Variants in KLHL1 observed in about 807,000 individuals in gnomAD.
The protein encoded by KLHL1 is kelch-like protein 1.
KLHL1 carries 47 observed loss-of-function variants against 77.7 expected under a neutral mutation model. The ratio of observed to expected loss-of-function variants is 0.60; its 90% confidence interval spans 0.48 to 0.77. The LOEUF (loss-of-function observed/expected upper bound fraction) is 0.77. Ranked by LOEUF, KLHL1 falls within the 30% of genes least tolerant of loss-of-function variation. The pLI is 0.00. For missense variants in KLHL1, 925 were observed against 910.8 expected, an observed-to-expected ratio of 1.02 and a Z score of -0.20; for synonymous variants, 360 against 325.2, an observed-to-expected ratio of 1.11 and a Z score of -1.15.
chr13:69,832,787 C>T (rs745919989), intron 6 of KLHL1, among the ~76,000 whole-genome samples: 18 of 152,060 alleles, frequency 1.2e-4, no homozygotes, highest in Non-Finnish European at 2.4e-4. Flanking sequence ...GAATAGAAAA[C>T]CCAGCAAGAG....
intron 4 of KLHL1, among the ~76,000 whole-genome samples, chr13:69,892,236 A>G (rs1483425181): frequency 7.9e-5 from 12 of 152,164 alleles, no homozygotes; most frequent in Admixed American, 3.9e-4. Context: ...TATAAAAGCC[A>G]TATGTTTTTA....
chr13:69,709,453 G>A (rs1253375997), intron 9 of KLHL1, among the ~76,000 whole-genome samples: 1 of 152,034 alleles, frequency 6.6e-6, no homozygotes, highest in Non-Finnish European at 1.5e-5. Flanking sequence ...TAATTAGGAA[G>A]AAGTAACTAA....
At chr13:69,939,946 A>C in intron 4 of KLHL1, 94 bp downstream of exon 4, 1 of 928,584 alleles carries the variant, frequency 1.1e-6, no homozygotes, top group Non-Finnish European at 1.5e-6. Flanking sequence ...ACTCATTTTA[A>C]ACTTAAAAAA....
chr13:70,088,642 C>G lies in KLHL1; in HGVS notation c.497+18561G>C, dbSNP rs76197987. ...ACGTTATAGTCAGCTACAATCACGC[C>G]ACTGCACTCCAGCCTGGGGTAACAG... On this transcript the variant is annotated intron_variant, in intron 1 of 10. Transcript: ENST00000377844. Among the ~76,000 whole-genome samples the G allele has an allele frequency of 3.3e-5, 5 of 152,018 alleles. No individual in the cohort carries two copies. The East Asian group carries it at 7.7e-4, about 24-fold the overall frequency.
rs879880884 is a variant in KLHL1 at position 70,108,056 on chromosome 13, G to A, written c.-357C>T. 2 of 424,520 alleles carry A rather than the reference G, an allele frequency of 4.7e-6. No individual in the cohort carries two copies. Among genetic ancestry groups the A allele is most frequent in the African/African-American group, 2.0e-5 (1 of 49,030 alleles). 26.3% of individuals were successfully genotyped at this position (424,520 alleles called of 1,614,324 possible). Reference sequence around the variant, plus strand: ...CTTAGGCTGGAGATGCGCGAGGGAGGGAGGTCTGAGCGCTCCGAAGCTCCG... The same window carrying A: ...CTTAGGCTGGAGATGCGCGAGGGAGAGAGGTCTGAGCGCTCCGAAGCTCCG... On this transcript the variant is annotated 5_prime_UTR_variant, in exon 1 of 11. Coordinates refer to ENST00000377844, the MANE Select transcript of KLHL1 (RefSeq NM_020866.3).
intron 2 of KLHL1, among the ~76,000 whole-genome samples, chr13:69,962,276 G>C (rs2137272123): frequency 6.6e-6 from 1 of 151,984 alleles, no homozygotes; most frequent in Non-Finnish European, 1.5e-5. Flanking sequence ...TTTTCTGTTA[G>C]AATTTATTAA....
intron 6 of KLHL1, among the ~76,000 whole-genome samples, chr13:69,825,761 T>G (rs1407976945): frequency 3.9e-5 from 6 of 152,118 alleles, no homozygotes; most frequent in Non-Finnish European, 8.8e-5. Flanking sequence ...GTAGAAATGC[T>G]GATGTAAATC....
intron 5 of KLHL1, among the ~76,000 whole-genome samples, chr13:69,870,735 C>T (rs1880548948): frequency 6.6e-6 from 1 of 151,852 alleles, no homozygotes; most frequent in Non-Finnish European, 1.5e-5. Flanking sequence ...TAAGAGGTAA[C>T]AGGCCAAATG....
intron 7 of KLHL1, among the ~76,000 whole-genome samples, chr13:69,743,824 G>GAAAAAAAAAAAAAAAAAAAAAAAAAGAA (rs10608243): frequency 7.4e-6 from 1 of 134,806 alleles, no homozygotes; most frequent in African/African-American, 2.7e-5. Context: ...CAAAAAAACA[G>GAAAAAAAAAAAAAAAAAAAAAAAAAGAA]AAAAAAAAAA....
At chr13:69,789,647 G>A (rs1022384943) in intron 7 of KLHL1, among the ~76,000 whole-genome samples, 1 of 151,984 alleles carries the variant, frequency 6.6e-6, no homozygotes, top group African/African-American at 2.4e-5. Flanking sequence ...CCTACTATCT[G>A]ATCATTCTTA....
rs1887299477 is a variant in KLHL1, at chr13:70,077,774, GATA to G, written c.497+29426_497+29428del. On this transcript the variant is annotated intron_variant, in intron 1 of 10. Transcript: ENST00000377844. ...TTAAAAATGTATTAATTTCAAAATT[GATA>G]ATGAGCTGAACATTTTAGAAACATA... Among the ~76,000 whole-genome samples the G allele has an allele frequency of 1.3e-5, 2 of 151,900 alleles. 1 individual carries two copies. The highest frequency in any genetic ancestry group is 4.2e-4 in the South Asian group (2 of 4,818).
chr13:70,105,767 G>C (rs917719330), intron 1 of KLHL1, among the ~76,000 whole-genome samples: 4 of 150,822 alleles, frequency 2.7e-5, no homozygotes, highest in Non-Finnish European at 5.9e-5. Context: ...TAACTTCATA[G>C]TATTCATAGT....
intron 7 of KLHL1, among the ~76,000 whole-genome samples, chr13:69,794,564 TA>T (rs58800073): frequency 1.5e-4 from 21 of 144,726 alleles, no homozygotes; most frequent in East Asian, 4.1e-4. Flanking sequence ...AGAGAGAGAT[TA>T]AAAAAAAAGA....
At position 70,107,873 on chromosome 13, in the gene KLHL1, G is replaced by T. The variant is rs188602966; in HGVS notation, c.-174C>A. On this transcript the variant is annotated 5_prime_UTR_variant, in exon 1 of 11. Coordinates refer to ENST00000377844, the MANE Select transcript of KLHL1 (RefSeq NM_020866.3). The stretch of plus-strand genomic sequence containing the variant: ...CGCTCTGCCAGGCGAAGGCTGGAGC[G>T]CAGACGGCAAAGCCGCGCGTTTCAG... The T allele has an allele frequency of 7.1e-6, 4 of 561,130 alleles. No individual in the cohort carries two copies. Among genetic ancestry groups the T allele is most frequent in the African/African-American group, 3.8e-5 (2 of 52,476 alleles). 34.8% of individuals were successfully genotyped at this position (561,130 alleles called of 1,614,324 possible). A position where few individuals can be genotyped will look rare whatever the true frequency, so the allele number is the denominator to read the frequency against.
intron 1 of KLHL1, among the ~76,000 whole-genome samples, chr13:70,062,231 A>G (rs1030231830): frequency 3.9e-5 from 6 of 152,154 alleles, no homozygotes; most frequent in Admixed American, 1.3e-4. Flanking sequence ...ACCTATCTTG[A>G]GCTCATGAGA....
chr13:69,724,770 T>C (rs1215801591), intron 8 of KLHL1, among the ~76,000 whole-genome samples: 1 of 151,994 alleles, frequency 6.6e-6, no homozygotes, highest in Non-Finnish European at 1.5e-5. Flanking sequence ...ATGCAGAAAA[T>C]GCATTTCACA....
chr13:69,904,765 G>A (rs1258530796), intron 4 of KLHL1, among the ~76,000 whole-genome samples: 2 of 152,108 alleles, frequency 1.3e-5, no homozygotes, highest in African/African-American at 2.4e-5. Context: ...TAATCATTAA[G>A]TTATGTTGTC....
At chr13:69,734,252 T>C (rs974916028) in intron 8 of KLHL1, among the ~76,000 whole-genome samples, 1 of 152,136 alleles carries the variant, frequency 6.6e-6, no homozygotes, top group African/African-American at 2.4e-5. Context: ...GTGATGTGCC[T>C]GCTCCCCCCT....
At position 69,882,323 on chromosome 13, in the gene KLHL1, A is replaced by T; in HGVS notation, c.1187T>A (p.Met396Lys). The T allele has an allele frequency of 6.2e-7, 1 of 1,614,052 alleles. No homozygotes were observed. Among genetic ancestry groups the T allele is most frequent in the East Asian group, 2.2e-5 (1 of 44,866 alleles). The stretch of plus-strand genomic sequence containing the variant: ...TGGCAGTCTTATAAAGGCAAGAAGC[A>T]TGCTCAGGTCATTGCATCTACTCTG... ...DMQSRCNDLS[M>K]LLAFIRLPLL... Residue 396 changes from methionine to lysine, a missense_variant, in exon 5 of 11, where the codon ATG becomes AAG. Coordinates refer to ENST00000377844, the MANE Select transcript of KLHL1 (RefSeq NM_020866.3).
Sources: allele counts gnomAD v4.1 joint callset (sites outside exome capture counted in the v4.1 genomes callset), GRCh38; gene constraint gnomAD v4.1.1; transcripts MANE v1.5; gene names NCBI Gene and HGNC (gene_info 2026-07-23, HGNC 2026-07-21).